STPG2: variants seen among roughly 807,000 people sequenced by gnomAD.
STPG2 encodes sperm tail PG-rich repeat containing 2.
Under a neutral mutation model 54.2 loss-of-function variants are expected in STPG2, and 56 were observed. The observed-to-expected ratio is 1.03, with a 90% CI of 0.83 to 1.29. The LOEUF (loss-of-function observed/expected upper bound fraction) is 1.29, where lower values mean the gene tolerates loss of function less well. Ranked by LOEUF, STPG2 falls within the 50% of genes most tolerant of loss-of-function variation. STPG2 has a pLI of 0.00. For missense variants in STPG2, 596 were observed against 544.9 expected (o/e 1.09, Z -0.93); for synonymous variants, 200 against 181.8 (o/e 1.10, Z -0.81).
At chr4:97,451,487 T>A (rs1729362428) in intron 4 of STPG2, among the ~76,000 whole-genome samples, 1 of 152,004 alleles carries the variant, frequency 6.6e-6, no homozygotes, top group African/African-American at 2.4e-5. Context: ...AAATAGGAAA[T>A]AGAGATCTTT....
chr4:97,827,790 T>C (rs1196028653), intron 9 of STPG2, among the ~76,000 whole-genome samples: 1 of 152,176 alleles, frequency 6.6e-6, no homozygotes, highest in South Asian at 2.1e-4. Flanking sequence ...ACTTGACTTA[T>C]AAAGCCAATA....
At chr4:97,934,987 G>T (rs919409424) in intron 8 of STPG2, among the ~76,000 whole-genome samples, 4 of 152,082 alleles carry the variant, frequency 2.6e-5, no homozygotes, top group African/African-American at 9.7e-5. Context: ...ATCTGATACT[G>T]GGCGTTTTTT....
intron 10 of STPG2, among the ~76,000 whole-genome samples, chr4:97,563,871 T>A (rs1732336974): frequency 6.6e-6 from 1 of 152,164 alleles, no homozygotes; most frequent in African/African-American, 2.4e-5. Flanking sequence ...ATGTGGTCAA[T>A]TTTGGAATAG....
intron 4 of STPG2, among the ~76,000 whole-genome samples, chr4:97,490,858 T>G (rs1158188208): frequency 6.6e-6 from 1 of 151,540 alleles, no homozygotes; most frequent in African/African-American, 2.4e-5. Context: ...TAAACACCAG[T>G]CATTGGCAAA....
chr4:98,114,758 T>C (rs1031370452), intron 3 of STPG2, among the ~76,000 whole-genome samples: 2 of 35,774 alleles, frequency 5.6e-5, no homozygotes, highest in Non-Finnish European at 1.2e-4. Context: ...TATCCATTTT[T>C]TTTTTTTTGT....
intron 4 of STPG2, among the ~76,000 whole-genome samples, chr4:97,492,999 G>T (rs981536614): frequency 6.7e-5 from 10 of 149,530 alleles, no homozygotes; most frequent in African/African-American, 2.0e-4. Context: ...CATGGCAAAA[G>T]TAATGTCCTG....
intron 5 of STPG2, among the ~76,000 whole-genome samples, chr4:98,051,121 T>A (rs1737307727): frequency 1.4e-5 from 2 of 147,166 alleles, no homozygotes; most frequent in African/African-American, 5.1e-5. Flanking sequence ...CCTGTTCACA[T>A]CTTTGCCTAA....
chr4:98,110,326 A>G (rs1739310030), intron 3 of STPG2, among the ~76,000 whole-genome samples: 2 of 152,110 alleles, frequency 1.3e-5, no homozygotes, highest in African/African-American at 4.8e-5. Flanking sequence ...CTTCCAGATA[A>G]CATCTCAGGA....
chr4:97,907,627 G>A (rs913614896), intron 8 of STPG2, among the ~76,000 whole-genome samples: 16 of 152,214 alleles, frequency 1.1e-4, no homozygotes, highest in African/African-American at 3.1e-4. Context: ...ATACTACAAG[G>A]CTACAGTAAC....
Position 97,585,734 on chromosome 4 carries a change from A to T in STPG2, c.1321-26617T>A, listed in dbSNP as rs141026977. 3.8e-3 allele frequency among the ~76,000 whole-genome samples: 582 copies of T among 152,064 alleles called. 1 individual carries two copies. The highest frequency in any genetic ancestry group is 0.014 in the Middle Eastern group (4 of 294). Reference sequence around the variant, plus strand: ...TTTAGAAACAGAAGGCACAAGTAGGATATCCAGTGATACCAGATAAACCAA... The same window carrying T: ...TTTAGAAACAGAAGGCACAAGTAGGTTATCCAGTGATACCAGATAAACCAA... On this transcript the variant is annotated intron_variant, in intron 10 of 10. Transcript: ENST00000295268.
At chr4:97,913,128 A>G (rs1296785028) in intron 8 of STPG2, among the ~76,000 whole-genome samples, 1 of 152,232 alleles carries the variant, frequency 6.6e-6, no homozygotes, top group Non-Finnish European at 1.5e-5. Flanking sequence ...ATAAGCTTCA[A>G]GGAAAATTCA....
At chr4:97,791,665 C>G (rs1242367306) in intron 9 of STPG2, among the ~76,000 whole-genome samples, 4 of 151,950 alleles carry the variant, frequency 2.6e-5, no homozygotes, top group Non-Finnish European at 5.9e-5. Context: ...TTCAATACCT[C>G]TACTATTATC....
At chr4:98,026,257 C>A in intron 5 of STPG2, 1 of 860,362 alleles carries the variant, frequency 1.2e-6, no homozygotes. Context: ...GAGTGGGCTG[C>A]TGAGAGCTAA....
rs145317870 is a variant in STPG2, at chr4:97,979,018, G to A, written c.772+2141C>T. 4.2e-3 allele frequency among the ~76,000 whole-genome samples: 643 copies of A among 152,200 alleles called. 3 individuals carry two copies. The highest frequency in any genetic ancestry group is 0.024 in the South Asian group (117 of 4,824). On this transcript the variant is annotated intron_variant, in intron 6 of 10. Transcript: ENST00000295268. ...TCAAAGGTGATACAAAATAGACAAA[G>A]GTGACACAAAACATGTAACAGCCTC...
chr4:97,912,070 A>AC (rs1237583230), intron 8 of STPG2, among the ~76,000 whole-genome samples: 1 of 151,644 alleles, frequency 6.6e-6, no homozygotes, highest in Non-Finnish European at 1.5e-5. Context: ...TCCGGAGTGG[A>AC]CCCCCCAAAA....
intron 8 of STPG2, among the ~76,000 whole-genome samples, chr4:97,860,548 G>C (rs1394170246): frequency 6.8e-6 from 1 of 147,718 alleles, no homozygotes; most frequent in South Asian, 2.1e-4. Context: ...TGTTGTAAAA[G>C]GGATTGAGTT....
chr4:97,967,424 C>A (rs1053945391), intron 7 of STPG2, among the ~76,000 whole-genome samples: 16 of 152,066 alleles, frequency 1.1e-4, no homozygotes, highest in Non-Finnish European at 2.2e-4. Flanking sequence ...CTTGAACACC[C>A]CACTGTCAAT....
chr4:97,778,358 G>A (rs944520666), intron 9 of STPG2, among the ~76,000 whole-genome samples: 1 of 152,126 alleles, frequency 6.6e-6, no homozygotes, highest in Non-Finnish European at 1.5e-5. Context: ...GTCTGAGATC[G>A]AATGGCAAGG....
intron 8 of STPG2, among the ~76,000 whole-genome samples, chr4:97,866,473 G>A (rs925825863): frequency 6.6e-6 from 1 of 151,748 alleles, no homozygotes; most frequent in African/African-American, 2.4e-5. Context: ...CCTTCTTAAT[G>A]AAGTATATTA....
Sources: gnomAD v4.1 joint callset for allele counts (sites outside exome capture counted in the v4.1 genomes callset) on GRCh38, gnomAD v4.1.1 for gene constraint, MANE v1.5 for transcripts, NCBI Gene and HGNC (gene_info 2026-07-23, HGNC 2026-07-21) for gene names.